The following SPTA1 variants were observed in gnomAD, a reference collection of about 807,000 sequenced individuals.
SPTA1 encodes spectrin alpha, erythrocytic 1, also known as spectrin alpha chain, erythrocytic 1.
SPTA1 carries 177 observed loss-of-function variants against 324.7 expected under a neutral mutation model. The ratio of observed to expected loss-of-function variants is 0.55; its 90% CI spans 0.48 to 0.62. The LOEUF (loss-of-function observed/expected upper bound fraction) is 0.62. SPTA1 is among the 20% of genes least tolerant of loss of function. The probability of loss-of-function intolerance (pLI) is 0.00; values close to 1 mark genes in which losing one functional copy is unlikely to be tolerated. For synonymous variants in SPTA1, 1,195 were observed against 1,041.3 expected, an observed-to-expected ratio of 1.15 and a Z score of -2.84; for missense variants, 3,162 against 2,883.6, an observed-to-expected ratio of 1.10 and a Z score of -2.21.
intron 20 of SPTA1, 127 bp from the exon 21 acceptor site, chr1:158,654,875 G>T: frequency 7.9e-7 from 1 of 1,270,328 alleles, no homozygotes; most frequent in Non-Finnish European, 1.1e-6. Flanking sequence ...CTCTTACGTG[G>T]CTGCAGAGAT....
rs1652849551 is a variant in SPTA1 at position 158,656,656 on chromosome 1, CCTG to C, written c.2806-3_2806-1del. ...AAGGCCTCATGCTTCTTTAGAAGAG[CCTG>C]CATTTATTGATGGAAGATCATCAGA... On this transcript the variant is annotated splice_acceptor_variant and splice_polypyrimidine_tract_variant and intron_variant, in intron 19 of 51. Transcript: ENST00000643759. LOFTEE classifies it high-confidence loss of function. 6.2e-7 allele frequency: 1 copy of C among 1,612,208 alleles called. No homozygotes were observed. Among genetic ancestry groups the C allele is most frequent in the Non-Finnish European group, 8.5e-7 (1 of 1,178,798 alleles).
chr1:158,622,295 A>G (rs1389545432), intron 43 of SPTA1, among the ~76,000 whole-genome samples: 1 of 152,122 alleles, frequency 6.6e-6, no homozygotes, highest in East Asian at 1.9e-4. Context: ...ACATTATTAT[A>G]TTAATCCATA....
chr1:158,685,406 G>T (rs116802150), intron 1 of SPTA1, 59 bp from the exon 2 acceptor site: 3 of 1,601,014 alleles, frequency 1.9e-6, no homozygotes, highest in Non-Finnish European at 1.7e-6. Flanking sequence ...ATGTTGCCCC[G>T]CTTATATGTG....
intron 39 of SPTA1, among the ~76,000 whole-genome samples, chr1:158,628,438 T>C (rs1205300740): frequency 5.3e-5 from 8 of 152,280 alleles, no homozygotes; most frequent in African/African-American, 1.7e-4. Flanking sequence ...AGAAAGAGAA[T>C]TTCTATGACT....
intron 16 of SPTA1, 103 bp downstream of exon 16, chr1:158,666,213 T>A (rs2101900098): frequency 8.4e-7 from 1 of 1,185,552 alleles, no homozygotes; most frequent in East Asian, 2.6e-5. Flanking sequence ...TATTATTACT[T>A]ATTAAGTAAT....
intron 16 of SPTA1, among the ~76,000 whole-genome samples, chr1:158,663,236 G>GT (rs1653367872): frequency 6.6e-6 from 1 of 152,160 alleles, no homozygotes; most frequent in Admixed American, 6.5e-5. Flanking sequence ...GAGTTTGATT[G>GT]TTTAAGAGTA....
At chr1:158,633,496 T>C (rs924504416) in intron 39 of SPTA1, among the ~76,000 whole-genome samples, 6 of 151,456 alleles carry the variant, frequency 4.0e-5, no homozygotes, top group Non-Finnish European at 7.4e-5. Flanking sequence ...CCTTGTCTAC[T>C]AAAAATACAA....
intron 42 of SPTA1, among the ~76,000 whole-genome samples, chr1:158,623,861 G>A (rs970917962): frequency 3.9e-5 from 6 of 152,186 alleles, no homozygotes; most frequent in African/African-American, 7.2e-5. Flanking sequence ...CTTTGGAACC[G>A]GGTAACAGGT....
chr1:158,678,297 T>A (rs1654540108), intron 6 of SPTA1, 104 bp downstream of exon 6: 6 of 1,492,012 alleles, frequency 4.0e-6, no homozygotes, highest in Non-Finnish European at 5.6e-6. Context: ...TTGTTTGAAG[T>A]GTTGACCATT....
intron 33 of SPTA1, among the ~76,000 whole-genome samples, chr1:158,640,890 G>A (rs905835406): frequency 6.6e-5 from 10 of 152,194 alleles, no homozygotes; most frequent in African/African-American, 1.7e-4. Flanking sequence ...GAGGCATCAC[G>A]CTACCTGACT....
chr1:158,635,387 G>A (rs1326296205), intron 38 of SPTA1, among the ~76,000 whole-genome samples: 9 of 149,832 alleles, frequency 6.0e-5, no homozygotes. Context: ...TAAGTTTCCT[G>A]AGGCCTCCCA....
chr1:158,657,425 A>T (rs1237516926), intron 19 of SPTA1, 52 bp downstream of exon 19: 35 of 1,545,134 alleles, frequency 2.3e-5, no homozygotes, highest in Non-Finnish European at 2.0e-5. Flanking sequence ...TAAATTGATA[A>T]TTTGGTTGCG....
Position 158,626,889 on chromosome 1 carries a change from T to A in SPTA1, c.5783A>T (p.Tyr1928Phe). 1 of 1,613,916 alleles carries A rather than the reference T, an allele frequency of 6.2e-7. No homozygotes were observed. Among genetic ancestry groups the A allele is most frequent in the Non-Finnish European group, 8.5e-7 (1 of 1,179,828 alleles). ...AAWKLQLEDDYAFQEFNWKAD... is the reference protein window; with the variant it reads ...AAWKLQLEDDFAFQEFNWKAD... ...CTTCCAGTTGAATTCCTGAAAGGCA[T>A]AATCGTCTTCCAATTGCAACTTCCA... Residue 1928 changes from tyrosine (Y) to phenylalanine (F), a missense_variant, in exon 41 of 52, where the codon TAT becomes TTT. Coordinates refer to ENST00000643759, the MANE Select transcript of SPTA1 (RefSeq NM_003126.4).
chr1:158,612,667 G>A, intron 51 of SPTA1, 150 bp downstream of exon 51: 3 of 807,804 alleles, frequency 3.7e-6, no homozygotes, highest in Non-Finnish European at 6.2e-6. Context: ...AAAATGAAGT[G>A]GTTACCAAAG....
In SPTA1 at chr1:158,635,813, G is replaced by T. The variant is rs111640876; in HGVS notation, c.5432+100C>A. The T allele has an allele frequency of 7.0e-6, 11 of 1,560,718 alleles. No individual in the cohort carries two copies. The African/African-American group carries it at 1.1e-4, about 15-fold the overall frequency. On this transcript the variant is annotated intron_variant, in intron 38 of 51. Transcript: ENST00000643759. ...CTTAAGGAGATAGATAGGTAGTTGGGGATAGCAGACAATGCTGAGCAGGCA... is the reference window on the plus strand; with the variant it reads ...CTTAAGGAGATAGATAGGTAGTTGGTGATAGCAGACAATGCTGAGCAGGCA...
At chr1:158,676,071 T>C in intron 8 of SPTA1, 70 bp downstream of exon 8, 4 of 1,603,556 alleles carry the variant, frequency 2.5e-6, no homozygotes, top group Non-Finnish European at 3.4e-6. Flanking sequence ...TTTACTCTTA[T>C]TTCTTCTCTC....
chr1:158,650,028 T>A, intron 24 of SPTA1, 81 bp from the exon 25 acceptor site: 1 of 948,622 alleles, frequency 1.1e-6, no homozygotes, highest in Non-Finnish European at 1.7e-6. Context: ...AGACAAGATT[T>A]AAAACATAGT....
chr1:158,653,460 T>G (rs370549730), intron 21 of SPTA1, 35 bp from the exon 22 acceptor site: 1 of 1,612,914 alleles, frequency 6.2e-7, no homozygotes, highest in African/African-American at 1.3e-5. Flanking sequence ...CCGTCATTAA[T>G]TCTTGGAAAA....
At chr1:158,680,923 G>A (rs1391041670) in intron 4 of SPTA1, among the ~76,000 whole-genome samples, 194 bp from the exon 5 acceptor site, 3 of 152,164 alleles carry the variant, frequency 2.0e-5, no homozygotes, top group Non-Finnish European at 1.5e-5. Context: ...AAGGGAAAGT[G>A]CTCTTTCGGG....
Sources: gnomAD v4.1 joint callset for allele counts (sites outside exome capture counted in the v4.1 genomes callset) on GRCh38, gnomAD v4.1.1 for gene constraint, MANE v1.5 for transcripts, NCBI Gene and HGNC (gene_info 2026-07-23, HGNC 2026-07-21) for gene names.